The following ZCWPW2 variants were observed in gnomAD, a reference collection of about 807,000 sequenced individuals.
The protein encoded by ZCWPW2 is zinc finger CW-type PWWP domain protein 2.
In ZCWPW2, 45 loss-of-function variants were observed where a neutral mutation model predicts 46.6. The observed-to-expected ratio is 0.96, with a 90% CI of 0.76 to 1.24. ZCWPW2 has a LOEUF of 1.24. Ranked by LOEUF, ZCWPW2 falls within the 50% of genes most tolerant of loss-of-function variation. ZCWPW2 has a pLI of 0.00. For missense variants in ZCWPW2, 429 were observed against 403.9 expected, an observed-to-expected ratio of 1.06 and a Z score of -0.53; for synonymous variants, 152 against 137.1, an observed-to-expected ratio of 1.11 and a Z score of -0.76.
chr3:28,369,098 G>C (rs1705222039), intron 1 of ZCWPW2, among the ~76,000 whole-genome samples: 1 of 152,130 alleles, frequency 6.6e-6, no homozygotes, highest in Admixed American at 6.5e-5. Context: ...TTTGTGATGG[G>C]TTCGAACTTC....
chr3:28,511,232 A>G (rs575385380), intron 6 of ZCWPW2: 12 of 297,456 alleles, frequency 4.0e-5, no homozygotes, highest in Middle Eastern at 1.2e-3. Context: ...GCAAATGTCT[A>G]TTCTTTATAT....
intron 3 of ZCWPW2, among the ~76,000 whole-genome samples, chr3:28,417,063 T>A (rs924045716): frequency 1.3e-5 from 2 of 151,218 alleles, no homozygotes; most frequent in African/African-American, 4.9e-5. Context: ...CTCTCTTTTT[T>A]TTTTTTTTTT....
At chr3:28,468,652 G>T (rs1575170355) in intron 4 of ZCWPW2, among the ~76,000 whole-genome samples, 1 of 152,206 alleles carries the variant, frequency 6.6e-6, no homozygotes, top group African/African-American at 2.4e-5. Flanking sequence ...GGCCAGGAGA[G>T]AGTGGCATGA....
chr3:28,498,697 C>T (rs925757904), intron 6 of ZCWPW2, among the ~76,000 whole-genome samples: 4 of 151,288 alleles, frequency 2.6e-5, no homozygotes, highest in Admixed American at 6.6e-5. Flanking sequence ...ATGTGCAGAA[C>T]GTGCAGGTTT....
At chr3:28,465,637 T>C (rs1698791417) in intron 4 of ZCWPW2, among the ~76,000 whole-genome samples, 1 of 152,106 alleles carries the variant, frequency 6.6e-6, no homozygotes, top group African/African-American at 2.4e-5. Flanking sequence ...TCTGGTCTAA[T>C]TGGCTAATAT....
intron 3 of ZCWPW2, among the ~76,000 whole-genome samples, chr3:28,421,451 A>T (rs1696783210): frequency 1.3e-5 from 2 of 152,082 alleles, no homozygotes; most frequent in Non-Finnish European, 2.9e-5. Flanking sequence ...TGGAGGCCAT[A>T]TATTTTCCAT....
At chr3:28,453,293 G>A (rs1241867187) in intron 4 of ZCWPW2, among the ~76,000 whole-genome samples, 6 of 152,082 alleles carry the variant, frequency 3.9e-5, no homozygotes, top group Non-Finnish European at 7.3e-5. Context: ...CTAAATTGTT[G>A]AATTCACCTC....
At chr3:28,513,441 A>T (rs1700481031) in intron 6 of ZCWPW2, among the ~76,000 whole-genome samples, 2 of 152,020 alleles carry the variant, frequency 1.3e-5, no homozygotes, top group African/African-American at 4.8e-5. Context: ...CCCATGTCAG[A>T]CTGCGTACTA....
At chr3:28,470,275 A>G (rs1482813305) in intron 4 of ZCWPW2, among the ~76,000 whole-genome samples, 2 of 152,174 alleles carry the variant, frequency 1.3e-5, no homozygotes, top group Admixed American at 6.6e-5. Flanking sequence ...CTGGCAGATC[A>G]TGAAGTCAGG....
chr3:28,475,933 G>C (rs868672781), intron 4 of ZCWPW2, among the ~76,000 whole-genome samples: 2 of 151,878 alleles, frequency 1.3e-5, no homozygotes, highest in African/African-American at 2.4e-5. Context: ...TTTTATGCTT[G>C]TTATATATTG....
At chr3:28,411,856 C>T (rs1376520955) in intron 2 of ZCWPW2, among the ~76,000 whole-genome samples, 2 of 152,028 alleles carry the variant, frequency 1.3e-5, no homozygotes, top group Non-Finnish European at 2.9e-5. Flanking sequence ...GACTTTTTCA[C>T]TCTTTCAACA....
At chr3:28,380,936 A>G (rs555115542) in intron 1 of ZCWPW2, among the ~76,000 whole-genome samples, 208 of 7,320 alleles carry the variant, frequency 0.028, 2 homozygotes, top group African/African-American at 0.13. Flanking sequence ...TATATTTGGT[A>G]TATATATATA....
At chr3:28,505,702 C>T (rs1700257867) in intron 6 of ZCWPW2, among the ~76,000 whole-genome samples, 1 of 152,014 alleles carries the variant, frequency 6.6e-6, no homozygotes, top group African/African-American at 2.4e-5. Context: ...AGTTTGTGTA[C>T]ATTATTCAAA....
chr3:28,454,442 G>A (rs1457697654), intron 4 of ZCWPW2, among the ~76,000 whole-genome samples: 1 of 152,104 alleles, frequency 6.6e-6, no homozygotes, highest in Non-Finnish European at 1.5e-5. Context: ...TCCCTTTCAT[G>A]AGTACGCATT....
chr3:28,431,204 T>A (rs1453813849), intron 3 of ZCWPW2, among the ~76,000 whole-genome samples: 1 of 152,222 alleles, frequency 6.6e-6, no homozygotes, highest in Non-Finnish European at 1.5e-5. Flanking sequence ...AATAGTTACC[T>A]TAATGAAGCA....
chr3:28,395,402 C>A (rs1420038111), intron 2 of ZCWPW2, among the ~76,000 whole-genome samples: 1 of 152,038 alleles, frequency 6.6e-6, no homozygotes, highest in East Asian at 1.9e-4. Context: ...AATCTTACTT[C>A]AAAGGTATTT....
intron 3 of ZCWPW2, 74 bp downstream of exon 3, chr3:28,413,474 A>C (rs963384313): frequency 2.4e-6 from 3 of 1,264,642 alleles, no homozygotes; most frequent in Admixed American, 4.9e-5. Flanking sequence ...ATCTTTTTGA[A>C]GACTAAACAT....
chr3:28,360,590 T>A (rs1465144434), intron 1 of ZCWPW2, among the ~76,000 whole-genome samples: 1 of 149,656 alleles, frequency 6.7e-6, no homozygotes, highest in Non-Finnish European at 1.5e-5. Context: ...GAAGTAAAAA[T>A]TGATGAAACC....
chr3:28,434,696 G>A (rs527262462), intron 3 of ZCWPW2, among the ~76,000 whole-genome samples: 4 of 152,232 alleles, frequency 2.6e-5, no homozygotes, highest in East Asian at 3.9e-4. Flanking sequence ...TCTCTCCCAC[G>A]CCATCAGAAG....
Sources: gnomAD v4.1 joint callset for allele counts (sites outside exome capture counted in the v4.1 genomes callset) on GRCh38, gnomAD v4.1.1 for gene constraint, MANE v1.5 for transcripts, NCBI Gene and HGNC (gene_info 2026-07-23, HGNC 2026-07-21) for gene names.